The following PRKN variants were observed in gnomAD, a reference collection of about 807,000 sequenced individuals.
The protein encoded by PRKN is E3 ubiquitin-protein ligase parkin.
Under a neutral mutation model 59.5 loss-of-function variants are expected in PRKN, and 56 were observed. That is an observed-to-expected ratio of 0.94 (90% CI 0.76 to 1.18). PRKN has a LOEUF of 1.18. PRKN is among the 50% of genes most tolerant of loss of function. The probability of loss-of-function intolerance (pLI) is 0.00; values close to 1 mark genes in which losing one functional copy is unlikely to be tolerated. For missense variants in PRKN, 657 were observed against 596.4 expected (o/e 1.10, Z -1.06); for synonymous variants, 250 against 222.1 (o/e 1.13, Z -1.12).
intron 1 of PRKN, among the ~76,000 whole-genome samples, chr6:162,554,171 C>T (rs565891011): frequency 6.6e-6 from 1 of 152,266 alleles, no homozygotes; most frequent in South Asian, 2.1e-4. Flanking sequence ...ATACAGGATA[C>T]TGAGGGGACC....
chr6:162,600,029 A>C (rs2128216434), intron 1 of PRKN, among the ~76,000 whole-genome samples: 1 of 152,320 alleles, frequency 6.6e-6, no homozygotes, highest in East Asian at 1.9e-4. Flanking sequence ...TACAATTCCT[A>C]AGTGTTCAGC....
At chr6:161,814,245 T>C (rs1009099359) in intron 6 of PRKN, among the ~76,000 whole-genome samples, 2 of 152,180 alleles carry the variant, frequency 1.3e-5, no homozygotes, top group African/African-American at 2.4e-5. Flanking sequence ...AAAATATTCT[T>C]CATAGTGACA....
At chr6:162,503,141 T>C (rs1293441364) in intron 1 of PRKN, among the ~76,000 whole-genome samples, 59 of 146,392 alleles carry the variant, frequency 4.0e-4, no homozygotes, top group Admixed American at 1.4e-3. Flanking sequence ...CATTTCTTTT[T>C]TTTTTTTTTT....
intron 4 of PRKN, among the ~76,000 whole-genome samples, chr6:162,103,985 TG>T (rs553126988): frequency 3.0e-4 from 45 of 152,220 alleles, no homozygotes; most frequent in African/African-American, 1.0e-3. Context: ...GCCTGTGCTG[TG>T]GAGGTGAGGG....
intron 1 of PRKN, among the ~76,000 whole-genome samples, chr6:162,446,589 ATT>A (rs1790327005): frequency 6.6e-6 from 1 of 152,236 alleles, no homozygotes; most frequent in Non-Finnish European, 1.5e-5. Context: ...GGATATGAAT[ATT>A]TTTAACAGTA....
intron 2 of PRKN, among the ~76,000 whole-genome samples, chr6:162,413,856 T>C (rs1265648733): frequency 3.3e-5 from 5 of 152,186 alleles, no homozygotes; most frequent in African/African-American, 9.6e-5. Flanking sequence ...CAGGCTGCTA[T>C]GCTGGGCCCT....
intron 1 of PRKN, among the ~76,000 whole-genome samples, chr6:162,636,829 G>T (rs1686102231): frequency 6.6e-6 from 1 of 152,036 alleles, no homozygotes; most frequent in Admixed American, 6.5e-5. Context: ...ATCTGGGAAT[G>T]GTGGCATGCA....
chr6:161,517,684 G>A (rs955405562), intron 9 of PRKN, among the ~76,000 whole-genome samples: 1 of 139,034 alleles, frequency 7.2e-6, no homozygotes, highest in Admixed American at 7.7e-5. Flanking sequence ...AGCTTGCAGT[G>A]AGCCGAGATC....
chr6:162,372,136 T>C (rs1785803256), intron 2 of PRKN, among the ~76,000 whole-genome samples: 1 of 152,198 alleles, frequency 6.6e-6, no homozygotes, highest in African/African-American at 2.4e-5. Flanking sequence ...CTACTTTTTG[T>C]CCTTCAGTCT....
intron 6 of PRKN, among the ~76,000 whole-genome samples, chr6:161,808,330 G>A (rs1056948083): frequency 3.9e-5 from 6 of 152,102 alleles, no homozygotes; most frequent in Non-Finnish European, 8.8e-5. Flanking sequence ...TTAGATAAAA[G>A]CACTGTATCA....
At chr6:161,555,072 C>T (rs1780184926) in intron 8 of PRKN, among the ~76,000 whole-genome samples, 1 of 152,064 alleles carries the variant, frequency 6.6e-6, no homozygotes. Flanking sequence ...TATGTCATTT[C>T]TAGTATACAT....
rs146441042 is a variant in PRKN, at chr6:161,991,819, G to T, written c.619-18402C>A. Among the ~76,000 whole-genome samples, 35 of 152,160 alleles carry T rather than the reference G, an allele frequency of 2.3e-4. 2 individuals carry two copies. In the East Asian group the frequency reaches 6.2e-3, roughly 27 times the overall value. ...GAGCACACCACTGCACTCAGCCTGG[G>T]TGATGAGAGTGAAACTCCGTCTCAA... On this transcript the variant is annotated intron_variant, in intron 5 of 11. Coordinates refer to ENST00000366898, the MANE Select transcript of PRKN (RefSeq NM_004562.3).
chr6:162,028,995 C>A (rs1172048257), intron 5 of PRKN, among the ~76,000 whole-genome samples: 1 of 152,166 alleles, frequency 6.6e-6, no homozygotes, highest in Non-Finnish European at 1.5e-5. Flanking sequence ...TGGAATGTAC[C>A]AGAAATTCAG....
intron 7 of PRKN, among the ~76,000 whole-genome samples, chr6:161,627,641 G>A (rs757799076): frequency 6.6e-6 from 1 of 152,222 alleles, no homozygotes; most frequent in African/African-American, 2.4e-5. Context: ...TGGGGAGAAT[G>A]AGTGGTGTTT....
chr6:161,532,164 CTCTATATATATATA>C (rs1339829935), intron 9 of PRKN, among the ~76,000 whole-genome samples: 63 of 67,960 alleles, frequency 9.3e-4, no homozygotes, highest in African/African-American at 3.0e-3. Context: ...CTCTCTCTCT[CTCTATATATATATA>C]TATATATATA....
rs1790520086 is a variant in PRKN, at chr6:161,467,162, T to C, written c.1084-80285A>G. ...TGGGGGAGCCATTTGTGCTGACGAA[T>C]AGTTGTTTTTTTCAATGTACTGGGA... On this transcript the variant is annotated intron_variant, in intron 9 of 11. Transcript: ENST00000366898. The surrounding 1 kb of genome is among the most constrained non-coding windows in gnomAD (Gnocchi z 4.3). Among the ~76,000 whole-genome samples, 1 of 152,196 alleles carries C rather than the reference T, an allele frequency of 6.6e-6. No homozygotes were observed. The highest frequency in any genetic ancestry group is 6.5e-5 in the Admixed American group (1 of 15,284).
intron 6 of PRKN, among the ~76,000 whole-genome samples, chr6:161,897,543 T>C (rs1233499422): frequency 1.3e-5 from 2 of 152,186 alleles, no homozygotes; most frequent in Non-Finnish European, 2.9e-5. Flanking sequence ...ACCAAAGCAA[T>C]ACAATTTCAA....
chr6:161,989,267 A>AAT (rs1320234391), intron 5 of PRKN, among the ~76,000 whole-genome samples: 2 of 109,148 alleles, frequency 1.8e-5, no homozygotes, highest in Admixed American at 8.3e-5. Flanking sequence ...AGTGCCTGGA[A>AAT]ATATATATAT....
At chr6:161,780,589 A>C (rs565781480) in intron 7 of PRKN, among the ~76,000 whole-genome samples, 1 of 152,332 alleles carries the variant, frequency 6.6e-6, no homozygotes, top group South Asian at 2.1e-4. Flanking sequence ...ACCCTATTAA[A>C]ACAGATAGGT....
Sources: allele counts gnomAD v4.1 joint callset (sites outside exome capture counted in the v4.1 genomes callset), GRCh38; gene constraint gnomAD v4.1.1; non-coding constraint Gnocchi (gnomAD v3.1); transcripts MANE v1.5; gene names NCBI Gene and HGNC (gene_info 2026-07-23, HGNC 2026-07-21).